The following DRG1 variants were observed in gnomAD, a reference collection of about 807,000 sequenced individuals.
DRG1 encodes the protein developmentally-regulated GTP-binding protein 1.
In DRG1, 19 loss-of-function variants were observed where a neutral mutation model predicts 38.8. The ratio of observed to expected loss-of-function variants is 0.49; its 90% confidence interval spans 0.34 to 0.72. The LOEUF (loss-of-function observed/expected upper bound fraction) is 0.72, where lower values mean the gene tolerates loss of function less well. DRG1 is among the 30% of genes least tolerant of loss of function. DRG1 has a pLI of 0.01. For synonymous variants in DRG1, 167 were observed against 157.5 expected (o/e 1.06, Z -0.45); for missense variants, 299 against 444.8 (o/e 0.67, Z 2.95).
intron 4 of DRG1, among the ~76,000 whole-genome samples, chr22:31,411,362 C>T (rs1240469064): frequency 6.6e-6 from 1 of 151,498 alleles, no homozygotes; most frequent in African/African-American, 2.4e-5. Context: ...TTGGACAATG[C>T]AGCTTTAGAC....
chr22:31,408,859 C>T (rs1390040831), intron 3 of DRG1, among the ~76,000 whole-genome samples: 1 of 151,272 alleles, frequency 6.6e-6, no homozygotes, highest in East Asian at 1.9e-4. Flanking sequence ...TACAGTAGAC[C>T]CTTGGTATTT....
At chr22:31,410,174 G>A (rs967932205) in intron 3 of DRG1, among the ~76,000 whole-genome samples, 2 of 152,036 alleles carry the variant, frequency 1.3e-5, no homozygotes, top group Non-Finnish European at 2.9e-5. Context: ...TAAAAAGCCC[G>A]GCCTAGGTGC....
At chr22:31,428,777 T>C (rs1053590595) in intron 8 of DRG1, among the ~76,000 whole-genome samples, 2 of 152,222 alleles carry the variant, frequency 1.3e-5, no homozygotes, top group Non-Finnish European at 2.9e-5. Context: ...CTTGACACTT[T>C]TGAAGAGTGT....
At position 31,427,102 on chromosome 22, in the gene DRG1, A is replaced by C. The variant is rs1234197984; in HGVS notation, c.924A>C (p.Pro308=). ...PKGQLPDYTS[P]VVLPYSRTTV... Reference sequence around the variant, plus strand: ...GCCAGTTACCAGATTACACATCCCCAGTGGTGCTTCCTTACTCCAGGACCA... The same window carrying C: ...GCCAGTTACCAGATTACACATCCCCCGTGGTGCTTCCTTACTCCAGGACCA... The change falls in exon 8 of 9, where the codon CCA becomes CCC. Residue 308 remains proline, a synonymous_variant. Coordinates refer to ENST00000331457, the MANE Select transcript of DRG1 (RefSeq NM_004147.4). 1 of 1,614,126 alleles carries C rather than the reference A, an allele frequency of 6.2e-7. No homozygotes were observed. Among genetic ancestry groups the C allele is most frequent in the East Asian group, 2.2e-5 (1 of 44,882 alleles).
rs190283488 is a variant in DRG1, at chr22:31,411,897, G to A, written c.412+816G>A. Among the ~76,000 whole-genome samples, 14 of 152,088 alleles carry A rather than the reference G, an allele frequency of 9.2e-5. No homozygotes were observed. The East Asian group carries it at 2.7e-3, about 29-fold the overall frequency. On this transcript the variant is annotated intron_variant, in intron 4 of 8. Coordinates refer to ENST00000331457, the MANE Select transcript of DRG1 (RefSeq NM_004147.4). The stretch of plus-strand genomic sequence containing the variant: ...ATTTTCCCTCAGAAATTTGAAGAAC[G>A]CTATCTTCTAGCATCTACTATTGCT...
chr22:31,406,428 A>C (rs1459951218), intron 3 of DRG1, among the ~76,000 whole-genome samples: 1 of 152,074 alleles, frequency 6.6e-6, no homozygotes, highest in Non-Finnish European at 1.5e-5. Flanking sequence ...TTTTGCATTC[A>C]TGTTGGTGAG....
At chr22:31,410,080 G>A (rs1159868766) in intron 3 of DRG1, among the ~76,000 whole-genome samples, 2 of 152,086 alleles carry the variant, frequency 1.3e-5, no homozygotes, top group African/African-American at 2.4e-5. Flanking sequence ...CTATGACTTT[G>A]GACAAGTCAC....
intron 1 of DRG1, 83 bp from the exon 2 acceptor site, chr22:31,400,537 G>T: frequency 6.4e-7 from 1 of 1,563,850 alleles, no homozygotes; most frequent in Admixed American, 1.7e-5. Context: ...ACATTAGTAG[G>T]ACTTGGGGAA....
At chr22:31,400,238 G>T (rs778338214) in intron 1 of DRG1, among the ~76,000 whole-genome samples, 1 of 151,922 alleles carries the variant, frequency 6.6e-6, no homozygotes, top group Non-Finnish European at 1.5e-5. Context: ...TGACATCTGT[G>T]TGGGAGCAGT....
At chr22:31,419,356 CTTTT>C (rs965161326) in intron 4 of DRG1, among the ~76,000 whole-genome samples, 1 of 138,738 alleles carries the variant, frequency 7.2e-6, no homozygotes, top group Non-Finnish European at 1.6e-5. Flanking sequence ...CAAAAGACTA[CTTTT>C]TTTTTTTTTT....
chr22:31,403,236 G>T (rs767236311), intron 3 of DRG1, 32 bp downstream of exon 3: 6 of 1,568,324 alleles, frequency 3.8e-6, no homozygotes, highest in African/African-American at 1.4e-5. Context: ...AGGAAGGAAA[G>T]AAATCTATTC....
Position 31,434,068 on chromosome 22 carries a change from A to G in DRG1, c.*97A>G, listed in dbSNP as rs2050158521. ...TCTTTCTGGTTTTGGCAGTCACTGG[A>G]TCAGGATCCAGGGGAGGGAGATGGA... On this transcript the variant is annotated 3_prime_UTR_variant, in exon 9 of 9. Coordinates refer to ENST00000331457, the MANE Select transcript of DRG1 (RefSeq NM_004147.4). 8.3e-7 allele frequency: 1 copy of G among 1,202,680 alleles called. No homozygotes were observed. The highest frequency in any genetic ancestry group is 2.1e-5 in the Admixed American group (1 of 48,426). The allele number at this position is 1,202,680 out of a possible 1,614,324, so 74.5% of individuals were successfully genotyped here. A position where few individuals can be genotyped will look rare whatever the true frequency, so the allele number is the denominator to read the frequency against.
intron 3 of DRG1, among the ~76,000 whole-genome samples, chr22:31,409,415 T>G (rs889181195): frequency 2.6e-5 from 4 of 152,260 alleles, no homozygotes; most frequent in African/African-American, 9.6e-5. Context: ...ACTGGGGACA[T>G]ACATCAGAGT....
intron 6 of DRG1, among the ~76,000 whole-genome samples, chr22:31,424,254 C>T (rs928720494): frequency 1.3e-5 from 2 of 151,550 alleles, no homozygotes; most frequent in Admixed American, 6.6e-5. Context: ...CAGGTTCAAG[C>T]GATTCTGCTG....
intron 4 of DRG1, among the ~76,000 whole-genome samples, chr22:31,411,530 C>CTTTT (rs71319191): frequency 7.7e-6 from 1 of 129,808 alleles, no homozygotes; most frequent in Non-Finnish European, 1.6e-5. Context: ...TCTGTCTTTT[C>CTTTT]TTTTTTTTTT....
chr22:31,431,275 C>G (rs942183443), intron 8 of DRG1, among the ~76,000 whole-genome samples: 2 of 152,022 alleles, frequency 1.3e-5, no homozygotes, highest in African/African-American at 4.8e-5. Flanking sequence ...ACCTCGTGAT[C>G]TGTCCACCTC....
chr22:31,408,790 T>C (rs1260756871), intron 3 of DRG1, among the ~76,000 whole-genome samples: 1 of 150,832 alleles, frequency 6.6e-6, no homozygotes, highest in Non-Finnish European at 1.5e-5. Context: ...TTTTAAGTGA[T>C]GTTTTAATAA....
intron 5 of DRG1, 63 bp downstream of exon 5, chr22:31,420,488 G>T: frequency 6.3e-7 from 1 of 1,593,836 alleles, no homozygotes; most frequent in Non-Finnish European, 8.6e-7. Flanking sequence ...GTGGATTGGG[G>T]TGCATGGACC....
chr22:31,426,966 C>A, intron 7 of DRG1, 94 bp from the exon 8 acceptor site: 1 of 1,563,604 alleles, frequency 6.4e-7, no homozygotes, highest in Non-Finnish European at 8.7e-7. Context: ...GGAGGTTGTC[C>A]TGGTCTGATG....
Sources: allele counts gnomAD v4.1 joint callset (sites outside exome capture counted in the v4.1 genomes callset), GRCh38; gene constraint gnomAD v4.1.1; transcripts MANE v1.5; gene names NCBI Gene and HGNC (gene_info 2026-07-23, HGNC 2026-07-21).